The following ESRRB variants were observed in gnomAD, a reference collection of about 807,000 sequenced individuals.
The protein encoded by ESRRB is steroid hormone receptor ERR2.
A neutral mutation model predicts 46.0 loss-of-function variants in ESRRB; 16 were observed. The ratio of observed to expected loss-of-function variants is 0.35; its 90% CI spans 0.24 to 0.53. The LOEUF (loss-of-function observed/expected upper bound fraction) is 0.53, where lower values mean the gene tolerates loss of function less well. ESRRB is among the 20% of genes least tolerant of loss of function. The probability of loss-of-function intolerance (pLI) is 0.93; values close to 1 mark genes in which losing one functional copy is unlikely to be tolerated. For missense variants in ESRRB, 488 were observed against 607.4 expected (o/e 0.80, Z 2.07); for synonymous variants, 246 against 259.6 (o/e 0.95, Z 0.50).
intron 2 of ESRRB, among the ~76,000 whole-genome samples, chr14:76,459,639 T>A (rs1463663049): frequency 2.6e-5 from 4 of 152,212 alleles, no homozygotes; most frequent in Non-Finnish European, 5.9e-5. Flanking sequence ...AGCTTTCATA[T>A]GTGTTTTTCT....
intron 1 of ESRRB, among the ~76,000 whole-genome samples, chr14:76,350,092 C>T (rs1595051763): frequency 2.6e-5 from 4 of 152,332 alleles, no homozygotes; most frequent in Admixed American, 2.6e-4. Flanking sequence ...ACCCACCAAC[C>T]TGCCCCAACT....
upstream of ESRRB, among the ~76,000 whole-genome samples, chr14:76,375,831 G>A (rs1482838739): frequency 6.6e-6 from 1 of 152,160 alleles, no homozygotes; most frequent in African/African-American, 2.4e-5. Context: ...GGGTGGCCCG[G>A]GGGGTATGTA....
In ESRRB at chr14:76,396,379, TA is replaced by T. The variant is rs534403213; in HGVS notation, c.50+19936del. ...TTTTGAAACTTGGGGAAAGAGATATTAAAAAAAACTGTCCTTTGAGTTAGCT... is the reference window on the plus strand; with the variant it reads ...TTTTGAAACTTGGGGAAAGAGATATTAAAAAAACTGTCCTTTGAGTTAGCT... On this transcript the variant is annotated intron_variant, in intron 1 of 6. Coordinates refer to ENST00000644823, the MANE Select transcript of ESRRB (RefSeq NM_001379180.1). Among the ~76,000 whole-genome samples, 668 of 151,994 alleles carry T rather than the reference TA, an allele frequency of 4.4e-3. 9 individuals are homozygous for T. Among genetic ancestry groups the T allele is most frequent in the African/African-American group, 0.015 (618 of 41,446 alleles).
At position 76,499,070 on chromosome 14, in the gene ESRRB, G is replaced by A; in HGVS notation, c.*612G>A. On this transcript the variant is annotated 3_prime_UTR_variant, in exon 7 of 7. Transcript: ENST00000644823. Reference sequence around the variant, plus strand: ...AGCGGCTAGAGCTCAAGTGCTTCCTGGGCACCCCACCCCTCGGGGCCTACC... The same window carrying A: ...AGCGGCTAGAGCTCAAGTGCTTCCTAGGCACCCCACCCCTCGGGGCCTACC... 3.0e-6 allele frequency: 1 copy of A among 336,848 alleles called. No homozygotes were observed. 20.9% of individuals were successfully genotyped at this position (336,848 alleles called of 1,614,324 possible).
chr14:76,357,731 G>A (rs1389299185), intron 1 of ESRRB, among the ~76,000 whole-genome samples: 1 of 152,134 alleles, frequency 6.6e-6, no homozygotes, highest in Non-Finnish European at 1.5e-5. Flanking sequence ...GCCCAGGTCG[G>A]TCTCAAATGC....
chr14:76,432,795 C>G (rs1301017758), intron 1 of ESRRB, among the ~76,000 whole-genome samples: 1 of 128,370 alleles, frequency 7.8e-6, no homozygotes, highest in South Asian at 2.6e-4. Flanking sequence ...CCTGCTTCAG[C>G]CTCCCAGTAG....
At chr14:76,346,781 A>G (rs1884255546) in intron 1 of ESRRB, among the ~76,000 whole-genome samples, 1 of 152,216 alleles carries the variant, frequency 6.6e-6, no homozygotes, top group Admixed American at 6.5e-5. Flanking sequence ...GCAAGGTCTG[A>G]GAGGTGTGCC....
At chr14:76,434,510 A>T (rs1398610389) in intron 1 of ESRRB, among the ~76,000 whole-genome samples, 1 of 151,922 alleles carries the variant, frequency 6.6e-6, no homozygotes, top group African/African-American at 2.4e-5. Flanking sequence ...GAATACAAAA[A>T]TTAGCCAGGC....
At chr14:76,458,828 G>T (rs1408678387) in intron 2 of ESRRB, among the ~76,000 whole-genome samples, 2 of 146,880 alleles carry the variant, frequency 1.4e-5, no homozygotes, top group Admixed American at 1.4e-4. Context: ...CCTGGATTCT[G>T]TTCACCCTCT....
rs79950190 is a variant in ESRRB, at chr14:76,399,548, G to A, written c.50+23097G>A. On this transcript the variant is annotated intron_variant, in intron 1 of 6. Coordinates refer to ENST00000644823, the MANE Select transcript of ESRRB (RefSeq NM_001379180.1). The stretch of plus-strand genomic sequence containing the variant: ...CTGATGGCAAGTCTCCTTCCATTCC[G>A]GGTGGATTTAATGTTTAATGCAGCC... Among the ~76,000 whole-genome samples the A allele has an allele frequency of 9.3e-3, 1,416 of 152,214 alleles. 30 individuals carry two copies. The highest frequency in any genetic ancestry group is 0.075 in the East Asian group (386 of 5,172).
chr14:76,456,008 A>C (rs1003541416), intron 2 of ESRRB, among the ~76,000 whole-genome samples: 4 of 149,228 alleles, frequency 2.7e-5, no homozygotes, highest in Non-Finnish European at 5.9e-5. Context: ...ACACCACTGC[A>C]CTCCAGCCTG....
chr14:76,339,557 C>A (rs1884166631), intron 1 of ESRRB, among the ~76,000 whole-genome samples: 1 of 152,194 alleles, frequency 6.6e-6, no homozygotes. Flanking sequence ...TGTACTGTAC[C>A]ATGTCCAGAC....
chr14:76,327,692 C>T (rs1301594361), intron 1 of ESRRB, among the ~76,000 whole-genome samples: 1 of 151,972 alleles, frequency 6.6e-6, no homozygotes, highest in Non-Finnish European at 1.5e-5. Context: ...TACCCTAATG[C>T]CTGTGCTTTT....
At chr14:76,464,670 A>G (rs1889031647) in intron 3 of ESRRB, among the ~76,000 whole-genome samples, 2 of 152,176 alleles carry the variant, frequency 1.3e-5, no homozygotes, top group Non-Finnish European at 1.5e-5. Flanking sequence ...AAAATGGGCT[A>G]CATCGAGCCC....
chr14:76,478,355 T>A (rs1889663822), intron 3 of ESRRB, among the ~76,000 whole-genome samples: 1 of 152,040 alleles, frequency 6.6e-6, no homozygotes, highest in African/African-American at 2.4e-5. Context: ...AGGCCCTATA[T>A]CAGGACACAG....
chr14:76,476,468 G>A (rs191794660), intron 3 of ESRRB, among the ~76,000 whole-genome samples: 7 of 152,276 alleles, frequency 4.6e-5, no homozygotes, highest in Admixed American at 4.6e-4. Flanking sequence ...TTTTACTAAT[G>A]TAAGGACACA....
At chr14:76,402,928 C>T (rs191688042) in intron 1 of ESRRB, among the ~76,000 whole-genome samples, 7 of 152,136 alleles carry the variant, frequency 4.6e-5, no homozygotes, top group Admixed American at 4.6e-4. Flanking sequence ...AGTGATGTGG[C>T]CACAGGCATA....
chr14:76,357,707 G>T (rs973116815), intron 1 of ESRRB, among the ~76,000 whole-genome samples: 7 of 152,118 alleles, frequency 4.6e-5, no homozygotes, highest in African/African-American at 1.7e-4. Context: ...TAGAGCTGGG[G>T]ATCTTGCTAC....
chr14:76,394,029 G>T (rs1237830943), intron 1 of ESRRB, among the ~76,000 whole-genome samples: 2 of 139,326 alleles, frequency 1.4e-5, no homozygotes, highest in African/African-American at 5.5e-5. Context: ...AGGCTGGTCT[G>T]ACCTCAGGTG....
Sources: allele counts gnomAD v4.1 joint callset (sites outside exome capture counted in the v4.1 genomes callset), GRCh38; gene constraint gnomAD v4.1.1; transcripts MANE v1.5; gene names NCBI Gene and HGNC (gene_info 2026-07-23, HGNC 2026-07-21).